The following ESRRG variants were observed in gnomAD, a reference collection of about 807,000 sequenced individuals.
ESRRG encodes the protein estrogen-related receptor gamma.
Under a neutral mutation model 44.0 loss-of-function variants are expected in ESRRG, and 13 were observed. The observed-to-expected ratio is 0.30, with a 90% CI of 0.19 to 0.47. ESRRG has a LOEUF of 0.47. Ranked by LOEUF, ESRRG falls within the 20% of genes least tolerant of loss-of-function variation. ESRRG has a pLI of 1.00. For synonymous variants in ESRRG, 215 were observed against 214.6 expected (o/e 1.00, Z -0.02); for missense variants, 395 against 580.6 (o/e 0.68, Z 3.29).
intron 1 of ESRRG, chr1:217,000,674 G>A (rs999458514): frequency 2.0e-5 from 3 of 152,162 alleles, no homozygotes; most frequent in African/African-American, 7.2e-5. Flanking sequence ...AAGCTCAGAT[G>A]TCTCCTTGTT....
At chr1:216,712,796 A>G (rs752244194) in intron 1 of ESRRG, among the ~76,000 whole-genome samples, 6 of 152,248 alleles carry the variant, frequency 3.9e-5, no homozygotes, top group Non-Finnish European at 8.8e-5. Flanking sequence ...GCCTGCAGTA[A>G]GTACTTAAAT....
At chr1:216,772,402 T>C (rs1274381361) in intron 2 of ESRRG, among the ~76,000 whole-genome samples, 1 of 151,884 alleles carries the variant, frequency 6.6e-6, no homozygotes, top group Non-Finnish European at 1.5e-5. Context: ...ACATGACAAG[T>C]TTGGGAAGAT....
chr1:216,804,476 A>T (rs2813669), intron 2 of ESRRG, among the ~76,000 whole-genome samples: 125,245 of 151,902 alleles, frequency 0.82, 52,109 homozygotes, highest in Non-Finnish European at 0.89. Flanking sequence ...ACTTTTTAAA[A>T]TTTTTTTTCA....
chr1:216,845,916 A>G (rs191615316), intron 2 of ESRRG, among the ~76,000 whole-genome samples: 85 of 152,252 alleles, frequency 5.6e-4, no homozygotes, highest in African/African-American at 1.9e-3. Flanking sequence ...TTTGAGAGGA[A>G]GGGAAAGAAA....
chr1:216,608,315 T>C (rs1181475378), intron 3 of ESRRG, among the ~76,000 whole-genome samples: 1 of 152,248 alleles, frequency 6.6e-6, no homozygotes, highest in Non-Finnish European at 1.5e-5. Context: ...GCGTATTTCA[T>C]GTATGCATAG....
At chr1:216,735,871 C>G (rs2089766837) in intron 2 of ESRRG, among the ~76,000 whole-genome samples, 1 of 150,892 alleles carries the variant, frequency 6.6e-6, no homozygotes, top group African/African-American at 2.4e-5. Context: ...CCCAACTACT[C>G]GGGAGGCTGA....
chr1:217,106,364 A>G (rs532334889), intron 1 of ESRRG, among the ~76,000 whole-genome samples: 1 of 150,392 alleles, frequency 6.6e-6, no homozygotes, highest in East Asian at 2.0e-4. Flanking sequence ...TATACCACAC[A>G]CATACATCTA....
intron 2 of ESRRG, among the ~76,000 whole-genome samples, chr1:216,784,546 T>C (rs1197605838): frequency 6.6e-6 from 1 of 152,108 alleles, no homozygotes; most frequent in Non-Finnish European, 1.5e-5. Context: ...TCATAAAACA[T>C]AACAATTTAT....
At chr1:217,072,315 C>T (rs1190288843) in intron 1 of ESRRG, among the ~76,000 whole-genome samples, 1 of 152,158 alleles carries the variant, frequency 6.6e-6, no homozygotes, top group Non-Finnish European at 1.5e-5. Context: ...GTATGTGTTA[C>T]AGCAGAAGAA....
chr1:216,946,505 A>T lies in ESRRG; in HGVS notation c.-105-6832T>A, dbSNP rs1323269639. On this transcript the variant is annotated intron_variant, in intron 1 of 7. Coordinates refer to the ESRRG transcript ENST00000359162. ...TGCATGGATCAAACAGAATGGAAAG[A>T]GCAAATCAAACTGATCATTACATGG... Among the ~76,000 whole-genome samples the T allele has an allele frequency of 3.9e-5, 6 of 152,194 alleles. No homozygotes were observed. In the East Asian group the frequency reaches 1.2e-3, roughly 29 times the overall value.
intron 2 of ESRRG, among the ~76,000 whole-genome samples, chr1:216,731,952 C>A (rs184706395): frequency 6.6e-5 from 10 of 152,244 alleles, no homozygotes; most frequent in Admixed American, 2.6e-4. Context: ...TGGATTAATT[C>A]ATCCTTCGAT....
At chr1:216,981,310 T>A (rs1380938649) in intron 1 of ESRRG, among the ~76,000 whole-genome samples, 2 of 152,188 alleles carry the variant, frequency 1.3e-5, no homozygotes, top group Non-Finnish European at 2.9e-5. Flanking sequence ...GAACGTAATC[T>A]AATACAAGGT....
intron 3 of ESRRG, among the ~76,000 whole-genome samples, chr1:216,625,423 C>CAAAAAAGAA (rs2063015008): frequency 8.6e-6 from 1 of 115,700 alleles, no homozygotes; most frequent in Admixed American, 9.1e-5. Context: ...GCTCATTTGG[C>CAAAAAAGAA]AAAAAAAAAA....
chr1:216,647,256 T>C (rs1052569381), intron 3 of ESRRG, among the ~76,000 whole-genome samples: 14 of 152,146 alleles, frequency 9.2e-5, no homozygotes, highest in African/African-American at 2.4e-5. Context: ...TTCTCTGACA[T>C]ACAGTATGGT....
chr1:216,979,797 T>C (rs981928604), intron 1 of ESRRG, among the ~76,000 whole-genome samples: 19 of 152,162 alleles, frequency 1.2e-4, no homozygotes, highest in Admixed American at 2.6e-4. Context: ...AAAGGAAAAC[T>C]GGCACCAAGA....
chr1:216,683,975 T>C (rs2077485937), intron 1 of ESRRG, among the ~76,000 whole-genome samples: 1 of 152,184 alleles, frequency 6.6e-6, no homozygotes, highest in Non-Finnish European at 1.5e-5. Flanking sequence ...GTCTTCACTC[T>C]TGCAAAATAT....
intron 3 of ESRRG, among the ~76,000 whole-genome samples, chr1:216,582,577 A>G (rs2063000847): frequency 6.6e-6 from 1 of 152,070 alleles, no homozygotes; most frequent in South Asian, 2.1e-4. Flanking sequence ...GGTAGCTGTT[A>G]TTACAGGAAT....
At chr1:216,799,475 GA>G (rs11572610) in intron 2 of ESRRG, among the ~76,000 whole-genome samples, 27,733 of 151,832 alleles carry the variant, frequency 0.18, 2,895 homozygotes, top group East Asian at 0.37. Flanking sequence ...GAGGCACAAT[GA>G]AGAGGGACCC....
chr1:217,000,720 C>T (rs982467705), intron 1 of ESRRG: 6 of 152,174 alleles, frequency 3.9e-5, no homozygotes, highest in Admixed American at 6.5e-5. Context: ...GTAGCAACAT[C>T]GTCACTGGAA....
Sources: gnomAD v4.1 joint callset for allele counts (sites outside exome capture counted in the v4.1 genomes callset) on GRCh38, gnomAD v4.1.1 for gene constraint, MANE v1.5 for transcripts, NCBI Gene and HGNC (gene_info 2026-07-23, HGNC 2026-07-21) for gene names.